Variants in CISD1 observed in about 807,000 individuals in gnomAD.
CISD1 encodes the protein CDGSH iron-sulfur domain-containing protein 1.
CISD1 carries 8 observed loss-of-function variants against 12.0 expected under a neutral mutation model. The observed-to-expected ratio is 0.67, with a 90% CI of 0.39 to 1.20. The LOEUF is 1.20. CISD1 is among the 50% of genes most tolerant of loss of function. The probability of loss-of-function intolerance (pLI) is 0.01; values close to 1 mark genes in which losing one functional copy is unlikely to be tolerated. For synonymous variants in CISD1, 38 were observed against 42.2 expected (o/e 0.90, Z 0.39); for missense variants, 107 against 132.7 (o/e 0.81, Z 0.95).
At chr10:58,273,785 G>C (rs549891656) in intron 1 of CISD1, among the ~76,000 whole-genome samples, 2 of 152,284 alleles carry the variant, frequency 1.3e-5, no homozygotes, top group African/African-American at 4.8e-5. Flanking sequence ...GGTCTGGTAG[G>C]GTGAGGTTTG....
rs1839463656 is a variant in CISD1, at chr10:58,289,295, A to C, written c.*1645A>C. On this transcript the variant is annotated 3_prime_UTR_variant, in exon 3 of 3. Transcript: ENST00000333926. ...TAAAGGGACATCCTTCTAACTTAAC[A>C]GACTATTCTTTATCTTGAATTTGAA... 6.6e-6 allele frequency: 1 copy of C among 152,242 alleles called. No individual in the cohort carries two copies. Among genetic ancestry groups the C allele is most frequent in the South Asian group, 2.1e-4 (1 of 4,834 alleles). The allele number at this position is 152,242 out of a possible 1,614,324, so 9.4% of individuals were successfully genotyped here.
intron 2 of CISD1, among the ~76,000 whole-genome samples, chr10:58,283,466 A>G (rs1220460767): frequency 6.6e-6 from 1 of 152,208 alleles, no homozygotes; most frequent in East Asian, 1.9e-4. Flanking sequence ...TGGACAGTTT[A>G]TGGTAATGAG....
intron 1 of CISD1, 47 bp from the exon 2 acceptor site, chr10:58,277,059 GATATTATTGGT>G: frequency 8.2e-7 from 1 of 1,217,646 alleles, no homozygotes; most frequent in South Asian, 1.5e-5. Flanking sequence ...ACATGCATGT[GATATTATTGGT>G]GTATATTTTG....
chr10:58,287,467 TTA>T (rs1839441453), intron 2 of CISD1, 92 bp from the exon 3 acceptor site: 2 of 790,568 alleles, frequency 2.5e-6, no homozygotes, highest in South Asian at 2.2e-5. Context: ...AAGAAAATCT[TTA>T]TGTTATATGA....
At chr10:58,277,012 T>C in intron 1 of CISD1, 105 bp from the exon 2 acceptor site, 1 of 733,812 alleles carries the variant, frequency 1.4e-6, no homozygotes, top group East Asian at 2.6e-5. Context: ...AACCTTGGAC[T>C]ATTAGGATGC....
chr10:58,273,112 TTAATA>T (rs1420413605), intron 1 of CISD1, among the ~76,000 whole-genome samples: 1 of 152,154 alleles, frequency 6.6e-6, no homozygotes, highest in Non-Finnish European at 1.5e-5. Context: ...TTGTTTGTTT[TTAATA>T]TATGTATCAG....
chr10:58,282,985 AAG>A (rs1839389525), intron 2 of CISD1: 3 of 152,168 alleles, frequency 2.0e-5, no homozygotes, highest in Admixed American at 1.3e-4. Context: ...ACTAAGAAGA[AAG>A]AGAGGAAAGT....
intron 2 of CISD1, among the ~76,000 whole-genome samples, chr10:58,281,442 T>G (rs1486703417): frequency 6.6e-6 from 1 of 152,234 alleles, no homozygotes; most frequent in Non-Finnish European, 1.5e-5. Context: ...TTCTGAATTT[T>G]CATTGCATCT....
At chr10:58,272,225 T>TA (rs11435069) in intron 1 of CISD1, among the ~76,000 whole-genome samples, 33,902 of 140,500 alleles carry the variant, frequency 0.24, 4,826 homozygotes, top group African/African-American at 0.41. Context: ...CCCTCATCTT[T>TA]AAAAAAAAAA....
chr10:58,279,179 AC>A (rs1443256923), intron 2 of CISD1, among the ~76,000 whole-genome samples: 1 of 152,188 alleles, frequency 6.6e-6, no homozygotes, highest in Non-Finnish European at 1.5e-5. Flanking sequence ...TGTTTCATTC[AC>A]AAAACTATGT....
rs775206917 is a variant in CISD1, at chr10:58,271,043, A to AT, written c.31+1753dup. On this transcript the variant is annotated intron_variant, in intron 1 of 2. Coordinates refer to ENST00000333926, the MANE Select transcript of CISD1 (RefSeq NM_018464.5). The stretch of plus-strand genomic sequence containing the variant: ...TGAGACACCACACGTTGCCATGACT[A>AT]TTTTTTTTTTTTTTGAGGCGGAGTC... Among the ~76,000 whole-genome samples the AT allele has an allele frequency of 3.6e-3, 457 of 128,696 alleles. 8 individuals are homozygous for AT. The highest frequency in any genetic ancestry group is 7.5e-3 in the South Asian group (30 of 4,026). The allele number at this position is 128,696 out of a possible 152,430, so 84.4% of individuals were successfully genotyped here.
intron 1 of CISD1, among the ~76,000 whole-genome samples, chr10:58,272,131 A>G (rs955997130): frequency 2.0e-5 from 3 of 151,846 alleles, no homozygotes; most frequent in African/African-American, 7.3e-5. Flanking sequence ...TTTTGCTTAA[A>G]TCTTTGCCTC....
intron 2 of CISD1, among the ~76,000 whole-genome samples, chr10:58,285,783 A>T (rs1839421879): frequency 6.6e-6 from 1 of 152,238 alleles, no homozygotes; most frequent in African/African-American, 2.4e-5. Context: ...TATAATAGTG[A>T]TTAAAAATAT....
At chr10:58,269,386 C>A in intron 1 of CISD1, 82 bp downstream of exon 1, 1 of 1,267,354 alleles carries the variant, frequency 7.9e-7, no homozygotes, top group Non-Finnish European at 1.1e-6. Context: ...TGTTTTACCA[C>A]TGCCCTACGC....
intron 2 of CISD1, among the ~76,000 whole-genome samples, chr10:58,281,161 A>G (rs988818022): frequency 2.6e-5 from 4 of 152,228 alleles, no homozygotes; most frequent in African/African-American, 9.7e-5. Context: ...CAAATATTTC[A>G]GGAAGAATCA....
rs1393272868 is a variant in CISD1 at position 58,288,991 on chromosome 10, G to A, written c.*1341G>A. 1 of 152,150 alleles carries A rather than the reference G, an allele frequency of 6.6e-6. No individual in the cohort carries two copies. Among genetic ancestry groups the A allele is most frequent in the Non-Finnish European group, 1.5e-5 (1 of 67,916 alleles). 9.4% of individuals were successfully genotyped at this position (152,150 alleles called of 1,614,324 possible). A position where few individuals can be genotyped will look rare whatever the true frequency, so the allele number is the denominator to read the frequency against. The stretch of plus-strand genomic sequence containing the variant: ...TATGATCATGGCTATTTTTAAATAT[G>A]TAGTTTTGTGTATTACTGTAGATAA... On this transcript the variant is annotated 3_prime_UTR_variant, in exon 3 of 3. Coordinates refer to ENST00000333926, the MANE Select transcript of CISD1 (RefSeq NM_018464.5).
intron 2 of CISD1, among the ~76,000 whole-genome samples, chr10:58,280,879 A>G (rs1433513277): frequency 6.6e-6 from 1 of 152,198 alleles, no homozygotes; most frequent in African/African-American, 2.4e-5. Context: ...AGATTAAGCA[A>G]TTGCCATTTT....
intron 1 of CISD1, among the ~76,000 whole-genome samples, chr10:58,271,457 G>T (rs1839248592): frequency 6.6e-6 from 1 of 152,184 alleles, no homozygotes; most frequent in Non-Finnish European, 1.5e-5. Context: ...GTAGTAGGTA[G>T]GCAAGGTAGG....
At chr10:58,287,110 AG>A (rs1839437115) in intron 2 of CISD1, among the ~76,000 whole-genome samples, 1 of 152,070 alleles carries the variant, frequency 6.6e-6, no homozygotes, top group African/African-American at 2.4e-5. Flanking sequence ...TAGTAGAGAC[AG>A]GGTTTCACCA....
Sources: allele counts gnomAD v4.1 joint callset (sites outside exome capture counted in the v4.1 genomes callset), GRCh38; gene constraint gnomAD v4.1.1; transcripts MANE v1.5; gene names NCBI Gene and HGNC (gene_info 2026-07-23, HGNC 2026-07-21).